Variants in MYO3B observed in about 807,000 individuals in gnomAD.
The protein encoded by MYO3B is myosin IIIB, also known as myosin-IIIb.
In MYO3B, 156 loss-of-function variants were observed where a neutral mutation model predicts 174.6. That is an observed-to-expected ratio of 0.89 (90% CI 0.78 to 1.02). The LOEUF (loss-of-function observed/expected upper bound fraction) is 1.02, where lower values mean the gene tolerates loss of function less well. Among genes scored for constraint, MYO3B ranks in the 50% least tolerant of loss-of-function variants. The probability of loss-of-function intolerance (pLI) is 0.00; values close to 1 mark genes in which losing one functional copy is unlikely to be tolerated. For missense variants in MYO3B, 1,632 were observed against 1,639.4 expected (o/e 1.00, Z 0.08); for synonymous variants, 563 against 569.1 (o/e 0.99, Z 0.15).
intron 8 of MYO3B, among the ~76,000 whole-genome samples, chr2:170,336,148 A>C (rs6713916): frequency 0.02 from 3,067 of 151,854 alleles, 101 homozygotes; most frequent in African/African-American, 0.07. Context: ...CTACTGGAGG[A>C]GGTTACAGGG....
In MYO3B at chr2:170,206,453, T is replaced by A. The variant is rs1184284947; in HGVS notation, c.321+6169T>A. ...CTAGAGATTGTGTCATATTCATGAT[T>A]GAGTAATAGGTAATAAACCAGACAG... On this transcript the variant is annotated intron_variant, in intron 3 of 34. Transcript: ENST00000408978. The surrounding 1 kb of genome is among the most constrained non-coding windows in gnomAD (Gnocchi z 4.3). Among the ~76,000 whole-genome samples the A allele has an allele frequency of 6.6e-6, 1 of 152,176 alleles. No homozygotes were observed. Among genetic ancestry groups the A allele is most frequent in the Non-Finnish European group, 1.5e-5 (1 of 68,022 alleles).
chr2:170,381,716 T>C (rs560519885), intron 9 of MYO3B, among the ~76,000 whole-genome samples: 1 of 152,172 alleles, frequency 6.6e-6, no homozygotes, highest in East Asian at 1.9e-4. Flanking sequence ...AAGTCAGAGG[T>C]GTTTATTCTG....
At chr2:170,628,260 C>A (rs1424720666) in intron 32 of MYO3B, among the ~76,000 whole-genome samples, 1 of 152,230 alleles carries the variant, frequency 6.6e-6, no homozygotes, top group African/African-American at 2.4e-5. Flanking sequence ...GCGCCCCACC[C>A]CCAGCCTCAC....
chr2:170,235,862 T>A (rs2093063845), intron 6 of MYO3B, 129 bp from the exon 7 acceptor site: 2 of 1,072,330 alleles, frequency 1.9e-6, no homozygotes, highest in South Asian at 2.7e-5. Flanking sequence ...TGCACACATC[T>A]TATTACTGGA....
At chr2:170,373,932 A>C (rs2105704484) in intron 9 of MYO3B, among the ~76,000 whole-genome samples, 1 of 152,294 alleles carries the variant, frequency 6.6e-6, no homozygotes, top group South Asian at 2.1e-4. Flanking sequence ...AATATGATAA[A>C]GGGTCAGTTA....
At position 170,612,644 on chromosome 2, in the gene MYO3B, C is replaced by T. The variant is rs527287551; in HGVS notation, c.3734-38984C>T. Among the ~76,000 whole-genome samples the T allele has an allele frequency of 5.3e-5, 8 of 152,252 alleles. No individual in the cohort carries two copies. In the South Asian group the frequency reaches 1.0e-3, roughly 20 times the overall value. ...AAGGAGTCTGACACGCTGACCCACA[C>T]GTAACAGTGGAGGCAGGAGTTAGAG... On this transcript the variant is annotated intron_variant, in intron 32 of 34. Coordinates refer to ENST00000408978, the MANE Select transcript of MYO3B (RefSeq NM_138995.5).
intron 7 of MYO3B, among the ~76,000 whole-genome samples, chr2:170,252,876 G>A (rs185477273): frequency 1.1e-3 from 172 of 152,246 alleles, no homozygotes; most frequent in African/African-American, 4.0e-3. Flanking sequence ...ACATGGTGGG[G>A]ACATTTTAGG....
chr2:170,226,492 G>C (rs942892823), intron 6 of MYO3B, among the ~76,000 whole-genome samples: 1 of 152,152 alleles, frequency 6.6e-6, no homozygotes, highest in Non-Finnish European at 1.5e-5. Flanking sequence ...GCAGGCAAAC[G>C]GCCCAAGGTG....
intron 1 of MYO3B, among the ~76,000 whole-genome samples, chr2:170,178,923 A>AAAC (rs2105293141): frequency 6.6e-6 from 1 of 152,336 alleles, no homozygotes; most frequent in South Asian, 2.1e-4. Flanking sequence ...AAACAATAGT[A>AAAC]GATAAATTCC....
At chr2:170,335,279 C>A (rs75202071) in intron 7 of MYO3B, 106 bp from the exon 8 acceptor site, 2 of 860,162 alleles carry the variant, frequency 2.3e-6, no homozygotes, top group South Asian at 1.7e-5. Flanking sequence ...TGAGAACAAA[C>A]AGATTTTATT....
intron 30 of MYO3B, among the ~76,000 whole-genome samples, chr2:170,520,250 G>A (rs771626358): frequency 3.2e-4 from 48 of 151,890 alleles, no homozygotes; most frequent in Non-Finnish European, 5.6e-4. Context: ...AAGCCTCCCC[G>A]CAGCAAAGAA....
At chr2:170,549,566 T>G (rs1452814237) in intron 32 of MYO3B, among the ~76,000 whole-genome samples, 1 of 152,186 alleles carries the variant, frequency 6.6e-6, no homozygotes, top group Non-Finnish European at 1.5e-5. Flanking sequence ...TTTTATAAAT[T>G]TTATAGTTTT....
intron 22 of MYO3B, among the ~76,000 whole-genome samples, chr2:170,416,657 T>G (rs2094581228): frequency 6.8e-6 from 1 of 146,768 alleles, no homozygotes; most frequent in Non-Finnish European, 1.5e-5. Context: ...CACAAAATCC[T>G]ATGTGATCTG....
chr2:170,435,352 A>G (rs144526090), intron 22 of MYO3B, among the ~76,000 whole-genome samples: 1 of 152,232 alleles, frequency 6.6e-6, no homozygotes, highest in South Asian at 2.1e-4. Context: ...GAGAGATGAT[A>G]GGAATCATAG....
At chr2:170,347,703 T>C (rs1257172028) in intron 8 of MYO3B, among the ~76,000 whole-genome samples, 2 of 152,242 alleles carry the variant, frequency 1.3e-5, no homozygotes, top group Non-Finnish European at 2.9e-5. Context: ...ATGTCTGCTC[T>C]GACGCTCATG....
At chr2:170,434,622 G>A (rs2094737538) in intron 22 of MYO3B, among the ~76,000 whole-genome samples, 1 of 152,164 alleles carries the variant, frequency 6.6e-6, no homozygotes. Flanking sequence ...GAGTTAGGGT[G>A]GAGCAGGTGA....
At chr2:170,184,598 C>T (rs190851695) in intron 1 of MYO3B, among the ~76,000 whole-genome samples, 1 of 152,212 alleles carries the variant, frequency 6.6e-6, no homozygotes, top group East Asian at 1.9e-4. Flanking sequence ...CTGATGAACA[C>T]TTAGGTTGCT....
intron 32 of MYO3B, among the ~76,000 whole-genome samples, chr2:170,581,478 C>T (rs528960054): frequency 6.6e-6 from 1 of 152,114 alleles, no homozygotes; most frequent in South Asian, 2.1e-4. Context: ...TTAATTTTAA[C>T]AGTTTTATTA....
At chr2:170,412,310 A>T (rs188703580) in intron 22 of MYO3B, 1 of 152,228 alleles carries the variant, frequency 6.6e-6, no homozygotes, top group Non-Finnish European at 1.5e-5. Flanking sequence ...TGACTTCCAA[A>T]TAGTAGTTTG....
Sources: gnomAD v4.1 joint callset for allele counts (sites outside exome capture counted in the v4.1 genomes callset) on GRCh38, gnomAD v4.1.1 for gene constraint, Gnocchi (gnomAD v3.1) non-coding constraint, MANE v1.5 for transcripts, NCBI Gene and HGNC (gene_info 2026-07-23, HGNC 2026-07-21) for gene names.